The following RNLS variants were observed in gnomAD, a reference collection of about 807,000 sequenced individuals.
The protein encoded by RNLS is renalase, FAD dependent amine oxidase.
A neutral mutation model predicts 39.8 loss-of-function variants in RNLS; 39 were observed. The observed-to-expected ratio is 0.98, with a 90% CI of 0.76 to 1.28. The LOEUF (loss-of-function observed/expected upper bound fraction) is 1.28. Ranked by LOEUF, RNLS falls within the 50% of genes most tolerant of loss-of-function variation. The probability of loss-of-function intolerance (pLI) is 0.00; values close to 1 mark genes in which losing one functional copy is unlikely to be tolerated. For missense variants in RNLS, 410 were observed against 413.3 expected, an observed-to-expected ratio of 0.99 and a Z score of 0.07; for synonymous variants, 147 against 150.7, an observed-to-expected ratio of 0.98 and a Z score of 0.18.
chr10:88,486,975 G>T (rs530911640), intron 4 of RNLS, among the ~76,000 whole-genome samples: 49 of 152,250 alleles, frequency 3.2e-4, no homozygotes, highest in Admixed American at 2.6e-3. Flanking sequence ...ATCAATGACA[G>T]ATTGGATGAA....
At chr10:88,525,082 A>G (rs997440009) in intron 4 of RNLS, among the ~76,000 whole-genome samples, 2 of 150,456 alleles carry the variant, frequency 1.3e-5, no homozygotes, top group African/African-American at 4.9e-5. Flanking sequence ...TAGTTGCTCA[A>G]GTTATCTGGA....
chr10:88,296,716 A>C (rs1425286605), intron 6 of RNLS, among the ~76,000 whole-genome samples: 1 of 152,148 alleles, frequency 6.6e-6, no homozygotes, highest in Non-Finnish European at 1.5e-5. Context: ...TTTTGTGTGT[A>C]TTGTTCTATA....
At chr10:88,176,913 C>A in the RNLS span, among the ~76,000 whole-genome samples, 1 of 152,288 alleles carries the variant, frequency 6.6e-6, no homozygotes, top group South Asian at 2.1e-4. Flanking sequence ...TGGAATATAT[C>A]ATTTCATTCT....
intron 4 of RNLS, among the ~76,000 whole-genome samples, chr10:88,371,925 T>C (rs972153856): frequency 3.3e-5 from 5 of 152,158 alleles, no homozygotes; most frequent in African/African-American, 1.2e-4. Flanking sequence ...TCTAGCAAGA[T>C]AAAGTTATCT....
the RNLS span, among the ~76,000 whole-genome samples, chr10:88,229,498 T>TAACA: frequency 5.3e-5 from 8 of 152,222 alleles, no homozygotes; most frequent in African/African-American, 1.7e-4. Flanking sequence ...AAAAAATTAC[T>TAACA]AACAGCTTCA....
At chr10:88,213,562 A>G in the RNLS span, among the ~76,000 whole-genome samples, 2 of 152,036 alleles carry the variant, frequency 1.3e-5, no homozygotes, top group Non-Finnish European at 2.9e-5. Context: ...CCAGTTTCCC[A>G]AGGAGAGTTC....
intron 5 of RNLS, among the ~76,000 whole-genome samples, chr10:88,345,427 T>G (rs1848240763): frequency 6.6e-6 from 1 of 152,178 alleles, no homozygotes. Flanking sequence ...TTCTCTGAGT[T>G]TAATAACTTA....
At chr10:88,538,786 T>C (rs1185029283) in intron 4 of RNLS, among the ~76,000 whole-genome samples, 2 of 152,238 alleles carry the variant, frequency 1.3e-5, no homozygotes, top group Non-Finnish European at 2.9e-5. Context: ...AGAAAATGTA[T>C]ATGGCTGCTG....
chr10:88,192,120 C>T, the RNLS span, among the ~76,000 whole-genome samples: 2 of 152,044 alleles, frequency 1.3e-5, no homozygotes, highest in African/African-American at 4.8e-5. Flanking sequence ...TGTTCTTTGT[C>T]AGGGCAGCCC....
chr10:88,197,184 T>C, the RNLS span, among the ~76,000 whole-genome samples: 2 of 152,216 alleles, frequency 1.3e-5, no homozygotes, highest in African/African-American at 4.8e-5. Flanking sequence ...AGTTTCTCCA[T>C]CTGTTGAGGT....
At chr10:88,308,981 C>T (rs753765280) in intron 6 of RNLS, among the ~76,000 whole-genome samples, 5 of 152,074 alleles carry the variant, frequency 3.3e-5, no homozygotes, top group East Asian at 3.9e-4. Context: ...AAAACATGGA[C>T]GAAGCTGGGG....
downstream of RNLS, among the ~76,000 whole-genome samples, chr10:88,270,312 G>T (rs534096262): frequency 2.6e-5 from 4 of 152,254 alleles, no homozygotes; most frequent in East Asian, 7.7e-4. Context: ...TGAGCATCAG[G>T]TGGTGTCTCC....
Position 88,446,031 on chromosome 10 carries a change from G to A in RNLS, c.527-83306C>T, listed in dbSNP as rs540559438. Among the ~76,000 whole-genome samples the A allele has an allele frequency of 1.3e-4, 20 of 152,172 alleles. No individual in the cohort carries two copies. The South Asian group carries it at 1.7e-3, about 13-fold the overall frequency. ...TATACATTCTTCTCAGCACCACATC[G>A]CACTTATTCCAAAATTGACCACATA... On this transcript the variant is annotated intron_variant, in intron 4 of 6. Coordinates refer to ENST00000331772, the MANE Select transcript of RNLS (RefSeq NM_001031709.3).
rs1589787675 is a variant in RNLS at position 88,435,494 on chromosome 10, C to T, written c.527-72769G>A. 2.0e-5 allele frequency among the ~76,000 whole-genome samples: 3 copies of T among 151,442 alleles called. No homozygotes were observed. In the East Asian group the frequency reaches 5.8e-4, roughly 29 times the overall value. The stretch of plus-strand genomic sequence containing the variant: ...CAAAAAAATTAAAATTATAAGTAAA[C>T]AGTAGAACTAGTAGAATACTTCAGT... On this transcript the variant is annotated intron_variant, in intron 4 of 6. Coordinates refer to ENST00000331772, the MANE Select transcript of RNLS (RefSeq NM_001031709.3).
At chr10:88,237,220 C>A in the RNLS span, among the ~76,000 whole-genome samples, 2 of 123,480 alleles carry the variant, frequency 1.6e-5, no homozygotes, top group African/African-American at 6.5e-5. Context: ...CACTTTGAGT[C>A]CCTCCCTCCC....
intron 4 of RNLS, among the ~76,000 whole-genome samples, chr10:88,498,588 T>C (rs1845299584): frequency 1.3e-5 from 2 of 150,170 alleles, no homozygotes; most frequent in Admixed American, 6.7e-5. Flanking sequence ...ATTTTGATAA[T>C]TGTCAAAATG....
chr10:88,582,709 C>A (rs1290677011), intron 1 of RNLS, among the ~76,000 whole-genome samples: 1 of 152,216 alleles, frequency 6.6e-6, no homozygotes, highest in African/African-American at 2.4e-5. Context: ...GCAAAGCCAA[C>A]AGACAGACCA....
the RNLS span, among the ~76,000 whole-genome samples, chr10:88,222,628 C>T: frequency 2.6e-5 from 4 of 152,180 alleles, no homozygotes; most frequent in Non-Finnish European, 4.4e-5. Flanking sequence ...ACAGCCTACA[C>T]AACGCCTGAT....
At chr10:88,527,047 G>A (rs994596193) in intron 4 of RNLS, among the ~76,000 whole-genome samples, 1 of 152,050 alleles carries the variant, frequency 6.6e-6, no homozygotes, top group African/African-American at 2.4e-5. Context: ...ACAATCAGAA[G>A]ACTTCTCAAC....
Sources: allele counts gnomAD v4.1 joint callset (sites outside exome capture counted in the v4.1 genomes callset), GRCh38; gene constraint gnomAD v4.1.1; transcripts MANE v1.5; gene names NCBI Gene and HGNC (gene_info 2026-07-23, HGNC 2026-07-21).